TNFRSF10B: variants seen among roughly 807,000 people sequenced by gnomAD.
The protein encoded by TNFRSF10B is tumor necrosis factor receptor superfamily member 10B.
In TNFRSF10B, 35 loss-of-function variants were observed where a neutral mutation model predicts 41.4. The observed-to-expected ratio is 0.85, with a 90% CI of 0.65 to 1.12. The LOEUF (loss-of-function observed/expected upper bound fraction) is 1.12. Ranked by LOEUF, TNFRSF10B falls within the 50% of genes most tolerant of loss-of-function variation. The pLI is 0.00. For missense variants in TNFRSF10B, 584 were observed against 552.7 expected, an observed-to-expected ratio of 1.06 and a Z score of -0.57; for synonymous variants, 230 against 215.5, an observed-to-expected ratio of 1.07 and a Z score of -0.59.
chr8:23,020,385 G>C lies in TNFRSF10B; in HGVS notation c.*2286C>G, dbSNP rs914014486. ...ACAAAACCCCCAATTATTTCATGTC[G>C]TCAGGAAGCTTACTTTAAAAGAATA... On this transcript the variant is annotated 3_prime_UTR_variant, in exon 9 of 9. Coordinates refer to ENST00000276431, the MANE Select transcript of TNFRSF10B (RefSeq NM_003842.5). 2.2e-6 allele frequency: 1 copy of C among 453,974 alleles called. No homozygotes were observed. Among genetic ancestry groups the C allele is most frequent in the Non-Finnish European group, 4.4e-6 (1 of 226,770 alleles). The allele number at this position is 453,974 out of a possible 1,614,324, so 28.1% of individuals were successfully genotyped here.
At chr8:23,035,141 G>A (rs1013923286) in intron 2 of TNFRSF10B, among the ~76,000 whole-genome samples, 1 of 151,632 alleles carries the variant, frequency 6.6e-6, no homozygotes, top group Non-Finnish European at 1.5e-5. Context: ...TAGTTTGCAG[G>A]TATTTTTTTT....
chr8:23,068,979 G>T lies in TNFRSF10B; in HGVS notation c.-85C>A. The T allele has an allele frequency of 6.2e-7, 1 of 1,607,230 alleles. No homozygotes were observed. ...TCGGGCATCGTCGGTGTATTTTGTG[G>T]GCGCAGAGATTGCGGGGTTCTCCGG... On this transcript the variant is annotated 5_prime_UTR_variant, in exon 1 of 9. Transcript: ENST00000276431.
At chr8:23,049,228 C>G (rs546857700) in intron 1 of TNFRSF10B, among the ~76,000 whole-genome samples, 6 of 152,196 alleles carry the variant, frequency 3.9e-5, no homozygotes, top group African/African-American at 1.4e-4. Context: ...ATATTAAAAG[C>G]TAAAAAAAGC....
intron 7 of TNFRSF10B, 23 bp from the exon 8 acceptor site, chr8:23,024,283 T>C: frequency 6.2e-7 from 1 of 1,613,828 alleles, no homozygotes; most frequent in Non-Finnish European, 8.5e-7. Context: ...GTGGGGAATG[T>C]CCTGGTCAGA....
chr8:23,029,836 AG>A, intron 3 of TNFRSF10B, 115 bp from the exon 4 acceptor site: 1 of 993,244 alleles, frequency 1.0e-6, no homozygotes, highest in Non-Finnish European at 1.5e-6. Context: ...AGGAGTTCTG[AG>A]GGCCAGTTTC....
chr8:23,069,010 T>C lies in TNFRSF10B; in HGVS notation c.-116A>G. ...GAGATTGCGGGGTTCTCCGGCCGCG[T>C]GCTGATTTATGTGTCCAGGCTGACT... On this transcript the variant is annotated 5_prime_UTR_variant, in exon 1 of 9. Transcript: ENST00000276431. 6.6e-7 allele frequency: 1 copy of C among 1,524,280 alleles called. No homozygotes were observed. 94.4% of individuals were successfully genotyped at this position (1,524,280 alleles called of 1,614,324 possible).
rs1322031138 is a variant in TNFRSF10B at position 23,020,602 on chromosome 8, G to A, written c.*2069C>T. On this transcript the variant is annotated 3_prime_UTR_variant, in exon 9 of 9. Transcript: ENST00000276431. ...AGCTACTCCGGAGGCTGAGGCACGA[G>A]AATCGCTTGAACCCAGGAGGCGGAG... The A allele has an allele frequency of 2.2e-6, 1 of 450,454 alleles. No individual in the cohort carries two copies. Among genetic ancestry groups the A allele is most frequent in the East Asian group, 7.0e-5 (1 of 14,330 alleles). 27.9% of individuals were successfully genotyped at this position (450,454 alleles called of 1,614,324 possible).
rs1157224846 is a variant in TNFRSF10B, at chr8:23,021,820, C to T, written c.*851G>A. The T allele has an allele frequency of 2.2e-6, 1 of 454,142 alleles. No homozygotes were observed. Among genetic ancestry groups the T allele is most frequent in the South Asian group, 1.6e-5 (1 of 64,474 alleles). 28.1% of individuals were successfully genotyped at this position (454,142 alleles called of 1,614,324 possible). A position where few individuals can be genotyped will look rare whatever the true frequency, so the allele number is the denominator to read the frequency against. ...GGGAGGGCTGGAACCCAGACAGTGA[C>T]ATCTTACAGGGGACTTCTTCTTCTT... is the stretch of plus-strand genomic sequence containing the variant. On this transcript the variant is annotated 3_prime_UTR_variant, in exon 9 of 9. Transcript: ENST00000276431.
At position 23,028,394 on chromosome 8, in the gene TNFRSF10B, C is replaced by A. The variant is rs771135483; in HGVS notation, c.685G>T (p.Val229Leu). The A allele has an allele frequency of 6.2e-7, 1 of 1,614,172 alleles. No individual in the cohort carries two copies. The highest frequency in any genetic ancestry group is 1.3e-5 in the African/African-American group (1 of 75,028). Residue 229 changes from valine (V) to leucine (L), a missense_variant, in exon 5 of 9, where the codon GTG becomes TTG. Transcript: ENST00000276431. The stretch of plus-strand genomic sequence containing the variant: ...CACAGTAAAGACTTGCAAACAAACA[C>A]AGCCACAATCAAGACTACGGCTGCA... ...TVAAVVLIVA[V>L]FVCKSLLWKK...
chr8:23,068,666 ACCCCCGCCGTGT>A, intron 1 of TNFRSF10B, 73 bp downstream of exon 1: 1 of 1,494,546 alleles, frequency 6.7e-7, no homozygotes. Flanking sequence ...CGGGCCACGC[ACCCCCGCCGTGT>A]CCCCCTCTCT....
intron 1 of TNFRSF10B, among the ~76,000 whole-genome samples, chr8:23,066,960 A>C (rs926463269): frequency 6.6e-6 from 1 of 151,976 alleles, no homozygotes. Flanking sequence ...GAAATTCAAC[A>C]TAACTCTGTT....
At position 23,029,489 on chromosome 8, in the gene TNFRSF10B, G is replaced by A. The variant is rs955231011; in HGVS notation, c.476+121C>T. 5.7e-5 allele frequency: 54 copies of A among 945,060 alleles called. No homozygotes were observed. In the African/African-American group the frequency reaches 7.1e-4, roughly 13 times the overall value. 58.5% of individuals were successfully genotyped at this position (945,060 alleles called of 1,614,324 possible). ...GGTGACACGCAGAGGGACCAGGAGG[G>A]GCAGCCACAGCCTCAAGGATGCCCC... On this transcript the variant is annotated intron_variant, in intron 4 of 8. Transcript: ENST00000276431.
In TNFRSF10B at chr8:23,030,737, A is replaced by G. The variant is rs372028179; in HGVS notation, c.364+22T>C. 2.5e-6 allele frequency: 4 copies of G among 1,583,346 alleles called. No homozygotes were observed. The East Asian group carries it at 9.0e-5, about 35-fold the overall frequency. On this transcript the variant is annotated intron_variant, in intron 3 of 8. Coordinates refer to ENST00000276431, the MANE Select transcript of TNFRSF10B (RefSeq NM_003842.5). ...ATCACCCCGCATTCCACCTTTAGGC[A>G]TGGGGTCCATATGTTCTGTACCTGA...
rs1472657061 is a variant in TNFRSF10B at position 23,021,521 on chromosome 8, C to G, written c.*1150G>C. 4.4e-6 allele frequency: 2 copies of G among 454,016 alleles called. No homozygotes were observed. Among genetic ancestry groups the G allele is most frequent in the Admixed American group, 4.7e-5 (2 of 42,564 alleles). 28.1% of individuals were successfully genotyped at this position (454,016 alleles called of 1,614,324 possible). ...CCTGAGCCCAAACAGGGCTCAAGTT[C>G]ACTTGGGATATGACATAGACCCTAT... On this transcript the variant is annotated 3_prime_UTR_variant, in exon 9 of 9. Transcript: ENST00000276431.
At chr8:23,048,437 CAA>C (rs34985507) in intron 1 of TNFRSF10B, among the ~76,000 whole-genome samples, 28,776 of 93,502 alleles carry the variant, frequency 0.31, 3,146 homozygotes, top group Non-Finnish European at 0.38. Flanking sequence ...ATTTTTGTGT[CAA>C]AAAAAAAAAA....
intron 2 of TNFRSF10B, among the ~76,000 whole-genome samples, chr8:23,033,257 A>G (rs1468882777): frequency 6.6e-6 from 1 of 152,172 alleles, no homozygotes; most frequent in Non-Finnish European, 1.5e-5. Flanking sequence ...ATGTAATGAC[A>G]TTAGATAATA....
At chr8:23,037,818 G>T in intron 2 of TNFRSF10B, among the ~76,000 whole-genome samples, 1 of 152,182 alleles carries the variant, frequency 6.6e-6, no homozygotes, top group Non-Finnish European at 1.5e-5. Context: ...ACATGCGGTT[G>T]CTTCTTCCAT....
chr8:23,047,749 GT>G (rs1166306956), intron 1 of TNFRSF10B, among the ~76,000 whole-genome samples: 2 of 152,212 alleles, frequency 1.3e-5, no homozygotes, highest in African/African-American at 4.8e-5. Flanking sequence ...CTTGCTTACT[GT>G]TGGTGGGAAT....
intron 1 of TNFRSF10B, among the ~76,000 whole-genome samples, chr8:23,059,924 G>A (rs1415054350): frequency 2.0e-5 from 3 of 152,142 alleles, no homozygotes; most frequent in African/African-American, 4.8e-5. Context: ...TATACTTATT[G>A]ACCATTTGTA....
Sources: gnomAD v4.1 joint callset for allele counts (sites outside exome capture counted in the v4.1 genomes callset) on GRCh38, gnomAD v4.1.1 for gene constraint, MANE v1.5 for transcripts, NCBI Gene and HGNC (gene_info 2026-07-23, HGNC 2026-07-21) for gene names.